The following SDK1 variants were observed in gnomAD, a reference collection of about 807,000 sequenced individuals.
SDK1 encodes sidekick cell adhesion molecule 1.
In SDK1, 157 loss-of-function variants were observed where a neutral mutation model predicts 245.5. The observed-to-expected ratio is 0.64, with a 90% confidence interval of 0.56 to 0.73. The LOEUF (loss-of-function observed/expected upper bound fraction) is 0.73. SDK1 is among the 30% of genes least tolerant of loss of function. The probability of loss-of-function intolerance (pLI) is 0.00; values close to 1 mark genes in which losing one functional copy is unlikely to be tolerated. For synonymous variants in SDK1, 1,647 were observed against 1,278.5 expected, an observed-to-expected ratio of 1.29 and a Z score of -6.15; for missense variants, 3,583 against 3,002.3, an observed-to-expected ratio of 1.19 and a Z score of -4.52.
intron 4 of SDK1, among the ~76,000 whole-genome samples, chr7:3,816,963 A>G (rs1779522120): frequency 6.6e-6 from 1 of 152,184 alleles, no homozygotes; most frequent in Non-Finnish European, 1.5e-5. Flanking sequence ...ATGTTACTTT[A>G]AAGTTCGTAG....
chr7:3,685,287 G>A (rs533878473), intron 4 of SDK1, among the ~76,000 whole-genome samples: 2 of 151,676 alleles, frequency 1.3e-5, no homozygotes, highest in Admixed American at 1.3e-4. Flanking sequence ...TCGAAACTAT[G>A]GAGGCTGGGA....
In SDK1 at chr7:4,265,593, GGTTT is replaced by G. The variant is rs1169739131; in HGVS notation, c.*214_*217del. On this transcript the variant is annotated 3_prime_UTR_variant, in exon 45 of 45. Coordinates refer to ENST00000404826, the MANE Select transcript of SDK1 (RefSeq NM_152744.4). ...TTTTGTAACTTCGCTGCAGGAAGCA[GGTTT>G]GTTTCTTTTTCTTTTCTTTTTAAGA... The G allele has an allele frequency of 1.3e-5, 18 of 1,339,606 alleles. No individual in the cohort carries two copies. The highest frequency in any genetic ancestry group is 1.7e-5 in the Non-Finnish European group (18 of 1,054,952). The allele number at this position is 1,339,606 out of a possible 1,614,324, so 83.0% of individuals were successfully genotyped here.
At chr7:4,108,324 G>C (rs2128189772) in intron 22 of SDK1, among the ~76,000 whole-genome samples, 1 of 152,290 alleles carries the variant, frequency 6.6e-6, no homozygotes, top group Non-Finnish European at 1.5e-5. Context: ...TGAGTGTTCT[G>C]TGGAACCTTA....
chr7:4,117,440 C>T (rs369549330), intron 25 of SDK1, among the ~76,000 whole-genome samples: 1 of 152,216 alleles, frequency 6.6e-6, no homozygotes, highest in Non-Finnish European at 1.5e-5. Context: ...TGCATTCCAG[C>T]CTGGCCAACG....
At chr7:3,797,352 T>C (rs982309304) in intron 4 of SDK1, among the ~76,000 whole-genome samples, 3 of 151,094 alleles carry the variant, frequency 2.0e-5, no homozygotes, top group Admixed American at 6.6e-5. Context: ...TTTTCTTTTT[T>C]TCTCTTTCCC....
chr7:4,151,643 G>C (rs550729863), intron 30 of SDK1, among the ~76,000 whole-genome samples: 2 of 152,066 alleles, frequency 1.3e-5, no homozygotes, highest in Non-Finnish European at 2.9e-5. Context: ...CATCCTCGTC[G>C]CCATCATTAT....
intron 1 of SDK1, among the ~76,000 whole-genome samples, chr7:3,420,212 TGTC>T (rs1779499764): frequency 6.6e-6 from 1 of 152,236 alleles, no homozygotes; most frequent in Non-Finnish European, 1.5e-5. Context: ...TTAACATTAT[TGTC>T]ATATTAGCAT....
chr7:3,920,841 G>A (rs953905378), intron 5 of SDK1, among the ~76,000 whole-genome samples: 28 of 152,116 alleles, frequency 1.8e-4, no homozygotes, highest in Non-Finnish European at 2.8e-4. Context: ...GGTTATTTAC[G>A]GGAAGATGGA....
chr7:4,192,977 A>T (rs1584411580), intron 35 of SDK1, among the ~76,000 whole-genome samples: 1 of 148,044 alleles, frequency 6.8e-6, no homozygotes, highest in East Asian at 1.9e-4. Flanking sequence ...CTCTAGAGGG[A>T]CAGAACCAAT....
At chr7:3,672,352 A>C (rs1783728018) in intron 4 of SDK1, among the ~76,000 whole-genome samples, 1 of 151,892 alleles carries the variant, frequency 6.6e-6, no homozygotes, top group South Asian at 2.1e-4. Context: ...AAGTTCTTGA[A>C]GTGTCTCTCT....
At chr7:4,227,441 A>G (rs746362461) in intron 40 of SDK1, 6 of 470,744 alleles carry the variant, frequency 1.3e-5, no homozygotes, top group Non-Finnish European at 2.6e-5. Context: ...TCTTTTTTTT[A>G]AATCAGATGT....
chr7:4,228,354 G>A (rs1218671924), intron 40 of SDK1, among the ~76,000 whole-genome samples: 2 of 152,204 alleles, frequency 1.3e-5, no homozygotes, highest in Non-Finnish European at 2.9e-5. Context: ...ATCACCATGA[G>A]GGCACCTCCG....
At chr7:4,148,280 G>A (rs759494386) in intron 29 of SDK1, among the ~76,000 whole-genome samples, 2 of 152,174 alleles carry the variant, frequency 1.3e-5, no homozygotes, top group Non-Finnish European at 2.9e-5. Flanking sequence ...CTTTACACAC[G>A]CCACGCATTC....
chr7:3,991,230 C>G (rs111475244), intron 14 of SDK1, among the ~76,000 whole-genome samples: 16 of 152,172 alleles, frequency 1.1e-4, no homozygotes, highest in African/African-American at 3.9e-4. Flanking sequence ...TGCCAGGCCC[C>G]CAGGCTCAGT....
At chr7:3,858,308 T>C (rs1350212546) in intron 5 of SDK1, among the ~76,000 whole-genome samples, 2 of 152,070 alleles carry the variant, frequency 1.3e-5, no homozygotes, top group African/African-American at 4.8e-5. Flanking sequence ...TCCCAGCTAC[T>C]CAGGAGGCTA....
intron 5 of SDK1, among the ~76,000 whole-genome samples, chr7:3,862,623 T>G (rs541547619): frequency 3.3e-5 from 5 of 152,344 alleles, no homozygotes; most frequent in East Asian, 3.9e-4. Context: ...TCAGTGACTT[T>G]CACTTAGTCT....
chr7:3,420,238 A>C lies in SDK1; in HGVS notation c.298+118354A>C, dbSNP rs115843432. 8.8e-3 allele frequency among the ~76,000 whole-genome samples: 1,335 copies of C among 152,336 alleles called. 23 individuals carry two copies. Among genetic ancestry groups the C allele is most frequent in the African/African-American group, 0.03 (1,267 of 41,572 alleles). ...GTCATATTAGCATTGGAACTTTCCC[A>C]TTTATTTTTGGCTTGGTGAATTTGA... On this transcript the variant is annotated intron_variant, in intron 1 of 44. Coordinates refer to ENST00000404826, the MANE Select transcript of SDK1 (RefSeq NM_152744.4).
intron 1 of SDK1, among the ~76,000 whole-genome samples, chr7:3,587,325 G>A (rs983797619): frequency 7.1e-6 from 1 of 141,102 alleles, no homozygotes; most frequent in African/African-American, 2.7e-5. Context: ...GTGTGTGTGT[G>A]TGTCTAAAGA....
intron 4 of SDK1, among the ~76,000 whole-genome samples, chr7:3,785,740 C>T (rs1583411767): frequency 6.6e-6 from 1 of 152,198 alleles, no homozygotes; most frequent in South Asian, 2.1e-4. Flanking sequence ...TATAAGACTT[C>T]TGAGCTCAGA....
Sources: gnomAD v4.1 joint callset for allele counts (sites outside exome capture counted in the v4.1 genomes callset) on GRCh38, gnomAD v4.1.1 for gene constraint, MANE v1.5 for transcripts, NCBI Gene and HGNC (gene_info 2026-07-23, HGNC 2026-07-21) for gene names.